ASTN2: variants seen among roughly 807,000 people sequenced by gnomAD.
ASTN2 encodes the protein astrotactin-2.
A neutral mutation model predicts 139.8 loss-of-function variants in ASTN2; 54 were observed. The ratio of observed to expected loss-of-function variants is 0.39; its 90% CI spans 0.31 to 0.48. The LOEUF is 0.48. ASTN2 is among the 20% of genes least tolerant of loss of function. The probability of loss-of-function intolerance (pLI) is 0.95; values close to 1 mark genes in which losing one functional copy is unlikely to be tolerated. For synonymous variants in ASTN2, 756 were observed against 719.5 expected (o/e 1.05, Z -0.81); for missense variants, 1,565 against 1,725.1 (o/e 0.91, Z 1.64).
chr9:116,847,870 T>C (rs532411588), intron 11 of ASTN2, among the ~76,000 whole-genome samples: 1 of 152,292 alleles, frequency 6.6e-6, no homozygotes, highest in South Asian at 2.1e-4. Flanking sequence ...TTTGGAAGAA[T>C]AATATCCTGA....
chr9:117,365,789 C>A lies in ASTN2; in HGVS notation c.442+48708G>T, dbSNP rs143024747. ...TGGCGAGGCCCCAGGAGCATCTGAG[C>A]TTTGCCAAGGGTGAAGGCAGCTTGT... On this transcript the variant is annotated intron_variant, in intron 1 of 22. Transcript: ENST00000313400. Among the ~76,000 whole-genome samples, 875 of 152,306 alleles carry A rather than the reference C, an allele frequency of 5.7e-3. 7 individuals are homozygous for A. The highest frequency in any genetic ancestry group is 0.02 in the African/African-American group (826 of 41,574).
intron 7 of ASTN2, among the ~76,000 whole-genome samples, chr9:116,977,756 A>AC (rs1836391503): frequency 7.6e-6 from 1 of 132,342 alleles, no homozygotes; most frequent in African/African-American, 2.9e-5. Flanking sequence ...TCACTCCATC[A>AC]CCCAGACTGG....
At chr9:116,748,335 G>A (rs1002805014) in intron 13 of ASTN2, among the ~76,000 whole-genome samples, 2 of 151,890 alleles carry the variant, frequency 1.3e-5, no homozygotes, top group African/African-American at 2.4e-5. Flanking sequence ...CTTGATGAGG[G>A]GGCACCTCTT....
chr9:116,701,451 G>T (rs767649701), intron 16 of ASTN2, among the ~76,000 whole-genome samples: 1 of 152,230 alleles, frequency 6.6e-6, no homozygotes, highest in African/African-American at 2.4e-5. Context: ...CTTTATCTGT[G>T]GGGGCACCCA....
At position 116,440,799 on chromosome 9, in the gene ASTN2, G is replaced by C; in HGVS notation, c.3599-7C>G. 1 of 1,610,270 alleles carries C rather than the reference G, an allele frequency of 6.2e-7. No individual in the cohort carries two copies. Among genetic ancestry groups the C allele is most frequent in the Non-Finnish European group, 8.5e-7 (1 of 1,177,064 alleles). On this transcript the variant is annotated splice_polypyrimidine_tract_variant and splice_region_variant and intron_variant, in intron 21 of 22. Transcript: ENST00000313400. ...TAGATCTTGTCAGCTATTTCTGAGA[G>C]GGCAGAAGGGCAGAAACAGATCACT...
chr9:116,435,690 A>G (rs1004406114), intron 22 of ASTN2, among the ~76,000 whole-genome samples: 1 of 152,208 alleles, frequency 6.6e-6, no homozygotes, highest in African/African-American at 2.4e-5. Flanking sequence ...TTCTAAACTT[A>G]GAAACATTCT....
At chr9:116,769,359 G>C (rs775475213) in intron 13 of ASTN2, among the ~76,000 whole-genome samples, 2 of 152,154 alleles carry the variant, frequency 1.3e-5, no homozygotes, top group Non-Finnish European at 2.9e-5. Context: ...GTAGAAGGCA[G>C]ACTGTGGTGG....
chr9:117,088,097 G>C (rs934678625), intron 5 of ASTN2, among the ~76,000 whole-genome samples: 1 of 152,198 alleles, frequency 6.6e-6, no homozygotes, highest in Non-Finnish European at 1.5e-5. Context: ...TAAAATGGAA[G>C]ACTGAATGGA....
rs539436784 is a variant in ASTN2 at position 117,387,045 on chromosome 9, G to T, written c.442+27452C>A. On this transcript the variant is annotated intron_variant, in intron 1 of 22. Coordinates refer to ENST00000313400, the MANE Select transcript of ASTN2 (RefSeq NM_001365068.1). ...TAGGCCTCACAGTCTACACCCTGTTGATCTCCTGGGGTTGGCTGTGGATTA... is the reference window on the plus strand; with the variant it reads ...TAGGCCTCACAGTCTACACCCTGTTTATCTCCTGGGGTTGGCTGTGGATTA... Among the ~76,000 whole-genome samples, 4 of 152,254 alleles carry T rather than the reference G, an allele frequency of 2.6e-5. No individual in the cohort carries two copies. The East Asian group carries it at 7.7e-4, about 29-fold the overall frequency.
At chr9:117,144,227 C>A (rs1013602510) in intron 3 of ASTN2, among the ~76,000 whole-genome samples, 1 of 152,168 alleles carries the variant, frequency 6.6e-6, no homozygotes, top group Non-Finnish European at 1.5e-5. Flanking sequence ...AACATGCTAG[C>A]ACCTTGATCT....
chr9:116,719,216 A>C (rs1397607841), intron 16 of ASTN2, among the ~76,000 whole-genome samples: 1 of 151,822 alleles, frequency 6.6e-6, no homozygotes, highest in Non-Finnish European at 1.5e-5. Context: ...GGGCAAATTT[A>C]AGAGTTATTT....
chr9:116,803,507 TATATATATATATATA>T (rs1283633378), intron 13 of ASTN2, among the ~76,000 whole-genome samples: 43 of 7,718 alleles, frequency 5.6e-3, no homozygotes, highest in African/African-American at 0.018. Flanking sequence ...TATATATATA[TATATATATATATATA>T]TTTTTTTTTT....
At chr9:116,999,652 C>T (rs1042355711) in intron 7 of ASTN2, among the ~76,000 whole-genome samples, 2 of 140,892 alleles carry the variant, frequency 1.4e-5, no homozygotes, top group South Asian at 2.5e-4. Flanking sequence ...CTTCGCCTCT[C>T]AGGCTCAAGC....
chr9:116,893,978 G>A (rs1833825422), intron 10 of ASTN2, among the ~76,000 whole-genome samples: 8 of 152,098 alleles, frequency 5.3e-5, no homozygotes, highest in South Asian at 4.1e-4. Flanking sequence ...TGACTACCTC[G>A]CCACACAATG....
At chr9:116,499,218 T>C (rs1849773179) in intron 19 of ASTN2, among the ~76,000 whole-genome samples, 1 of 152,212 alleles carries the variant, frequency 6.6e-6, no homozygotes, top group Non-Finnish European at 1.5e-5. Flanking sequence ...AAAATATTAA[T>C]TCATGAGTTT....
chr9:117,226,017 G>C, intron 2 of ASTN2, among the ~76,000 whole-genome samples: 1 of 152,196 alleles, frequency 6.6e-6, no homozygotes, highest in East Asian at 1.9e-4. Context: ...ACAATGCATA[G>C]TTCAGCAAGC....
chr9:117,219,432 G>T (rs1358298156), intron 2 of ASTN2, among the ~76,000 whole-genome samples: 1 of 152,122 alleles, frequency 6.6e-6, no homozygotes, highest in Non-Finnish European at 1.5e-5. Flanking sequence ...TAGGAAGATG[G>T]CTGTGAATTT....
At chr9:117,276,478 C>T (rs1834192154) in intron 2 of ASTN2, among the ~76,000 whole-genome samples, 1 of 152,170 alleles carries the variant, frequency 6.6e-6, no homozygotes, top group Non-Finnish European at 1.5e-5. Context: ...CTTTACACAC[C>T]ATCTAAACAA....
intron 12 of ASTN2, among the ~76,000 whole-genome samples, chr9:116,816,519 G>T (rs995730501): frequency 6.6e-6 from 1 of 152,144 alleles, no homozygotes; most frequent in African/African-American, 2.4e-5. Context: ...GCACAGAGTA[G>T]TCACAACAAA....
Sources: allele counts gnomAD v4.1 joint callset (sites outside exome capture counted in the v4.1 genomes callset), GRCh38; gene constraint gnomAD v4.1.1; transcripts MANE v1.5; gene names NCBI Gene and HGNC (gene_info 2026-07-23, HGNC 2026-07-21).